The following TRA2B variants were observed in gnomAD, a reference collection of about 807,000 sequenced individuals.
The protein encoded by TRA2B is transformer-2 protein homolog beta.
TRA2B carries 14 observed loss-of-function variants against 41.7 expected under a neutral mutation model. That is an observed-to-expected ratio of 0.34 (90% CI 0.22 to 0.53). TRA2B has a LOEUF of 0.53. TRA2B is among the 20% of genes least tolerant of loss of function. The pLI is 0.95. For missense variants in TRA2B, 167 were observed against 396.8 expected, an observed-to-expected ratio of 0.42 and a Z score of 4.92; for synonymous variants, 130 against 128.8, an observed-to-expected ratio of 1.01 and a Z score of -0.06.
chr3:185,919,364 A>C, intron 7 of TRA2B, 73 bp downstream of exon 7: 3 of 1,326,866 alleles, frequency 2.3e-6, no homozygotes, highest in Non-Finnish European at 3.1e-6. Flanking sequence ...AATTTACCAA[A>C]ACATTACTAG....
chr3:185,926,533 G>T, intron 2 of TRA2B, 68 bp downstream of exon 2: 1 of 1,590,986 alleles, frequency 6.3e-7, no homozygotes, highest in Non-Finnish European at 8.6e-7. Context: ...CTACCTTCCT[G>T]GTTTACAAAA....
chr3:185,931,287 TG>T (rs1463750228), intron 1 of TRA2B, among the ~76,000 whole-genome samples: 2 of 152,204 alleles, frequency 1.3e-5, no homozygotes, highest in African/African-American at 2.4e-5. Context: ...TATTCGCTCA[TG>T]CCCCAGGACC....
chr3:185,925,658 T>C (rs763251470), intron 2 of TRA2B, 32 bp from the exon 3 acceptor site: 5 of 1,586,758 alleles, frequency 3.2e-6, no homozygotes, highest in African/African-American at 2.7e-5. Flanking sequence ...AGGTTATGAC[T>C]GAAAACAAAT....
intron 2 of TRA2B, among the ~76,000 whole-genome samples, chr3:185,926,051 A>C (rs1469053647): frequency 6.6e-6 from 1 of 152,190 alleles, no homozygotes; most frequent in Non-Finnish European, 1.5e-5. Context: ...GCTCTTGACT[A>C]ACTAGAGTGA....
chr3:185,932,480 A>G (rs1167670978), intron 1 of TRA2B, among the ~76,000 whole-genome samples: 4 of 152,198 alleles, frequency 2.6e-5, no homozygotes, highest in Admixed American at 1.3e-4. Flanking sequence ...TCATAAAAAG[A>G]CAAAATCAAG....
At position 185,925,460 on chromosome 3, in the gene TRA2B, T is replaced by A. The variant is rs768288798; in HGVS notation, c.333+4A>T. 1 of 1,611,314 alleles carries A rather than the reference T, an allele frequency of 6.2e-7. No homozygotes were observed. Among genetic ancestry groups the A allele is most frequent in the South Asian group, 1.1e-5 (1 of 90,316 alleles). The stretch of plus-strand genomic sequence containing the variant: ...ACTGCTTCAAAACCAGTTTTTCATC[T>A]TACCCGATTCCCAACATGACGCCTG... On this transcript the variant is annotated splice_donor_region_variant and intron_variant, in intron 3 of 8. Transcript: ENST00000453386.
intron 8 of TRA2B, 53 bp from the exon 9 acceptor site, chr3:185,917,778 TA>T (rs1157586043): frequency 3.2e-6 from 5 of 1,571,390 alleles, no homozygotes; most frequent in Non-Finnish European, 4.4e-6. Context: ...AATTATCAAG[TA>T]TACTTTAATG....
intron 8 of TRA2B, among the ~76,000 whole-genome samples, chr3:185,917,981 G>A (rs1304170486): frequency 6.6e-6 from 1 of 152,076 alleles, no homozygotes; most frequent in Non-Finnish European, 1.5e-5. Flanking sequence ...TTTCTGTGCT[G>A]TCCAAAAATT....
At chr3:185,936,933 A>G in intron 1 of TRA2B, 7 of 985,430 alleles carry the variant, frequency 7.1e-6, no homozygotes, top group Non-Finnish European at 8.4e-6. Context: ...AACTTAAGGG[A>G]AAGAAAACTG....
At chr3:185,936,262 GTTATA>G (rs1560016888) in intron 1 of TRA2B, 1 of 985,222 alleles carries the variant, frequency 1.0e-6, no homozygotes, top group Non-Finnish European at 1.2e-6. Context: ...ACCAATGACT[GTTATA>G]ACAGATTCAA....
chr3:185,937,797 A>G, intron 1 of TRA2B, 28 bp downstream of exon 1: 5 of 1,614,044 alleles, frequency 3.1e-6, no homozygotes, highest in Non-Finnish European at 4.2e-6. Context: ...AGGACCACAC[A>G]GCCACCCCCT....
Position 185,937,994 on chromosome 3 carries a change from C to T in TRA2B, c.-134G>A. ...AGCCGCTCAGAGCCGAAATGCTCCG[C>T]ACCGCCTCCGCACGGGCTCTAACTC... On this transcript the variant is annotated 5_prime_UTR_variant, in exon 1 of 9. Coordinates refer to ENST00000453386, the MANE Select transcript of TRA2B (RefSeq NM_004593.3). 2.9e-6 allele frequency: 3 copies of T among 1,019,198 alleles called. No individual in the cohort carries two copies. The highest frequency in any genetic ancestry group is 4.4e-6 in the Non-Finnish European group (3 of 680,852). The allele number at this position is 1,019,198 out of a possible 1,614,324, so 63.1% of individuals were successfully genotyped here. A position where few individuals can be genotyped will look rare whatever the true frequency, so the allele number is the denominator to read the frequency against.
chr3:185,925,458 T>C lies in TRA2B; in HGVS notation c.333+6A>G. On this transcript the variant is annotated splice_donor_region_variant and intron_variant, in intron 3 of 8. Transcript: ENST00000453386. The stretch of plus-strand genomic sequence containing the variant: ...TGACTGCTTCAAAACCAGTTTTTCA[T>C]CTTACCCGATTCCCAACATGACGCC... 1 of 1,611,316 alleles carries C rather than the reference T, an allele frequency of 6.2e-7. No individual in the cohort carries two copies.
chr3:185,918,303 T>TA (rs1743581134), intron 8 of TRA2B, 62 bp downstream of exon 8: 1 of 1,193,878 alleles, frequency 8.4e-7, no homozygotes, highest in African/African-American at 1.5e-5. Context: ...ATAAAGGGAA[T>TA]ACACTGTCAT....
intron 1 of TRA2B, chr3:185,935,861 T>C: frequency 2.0e-6 from 2 of 985,424 alleles, no homozygotes; most frequent in Non-Finnish European, 2.4e-6. Context: ...CGTAAAAGTT[T>C]AGAGATCTCG....
chr3:185,921,121 GTAGTCCCGATCATCA>G lies in TRA2B; in HGVS notation c.690_704del (p.Asp231_Tyr235del), dbSNP rs1743718204. 6.2e-7 allele frequency: 1 copy of G among 1,613,858 alleles called. No homozygotes were observed. The highest frequency in any genetic ancestry group is 1.1e-5 in the South Asian group (1 of 91,084). The stretch of plus-strand genomic sequence containing the variant: ...TAACTTACCTGTATGATCTGCTATA[GTAGTCCCGATCATCA>G]TAGCCCCGATCATATCCTCTGTCAT... On this transcript the variant is annotated inframe_deletion, in exon 6 of 9. Transcript: ENST00000453386.
intron 4 of TRA2B, chr3:185,922,544 T>C (rs1221093846): frequency 6.5e-6 from 1 of 153,250 alleles, no homozygotes; most frequent in African/African-American, 2.4e-5. Flanking sequence ...AATAATCTTT[T>C]ATTGGAATAG....
chr3:185,925,713 G>A (rs1030897243), intron 2 of TRA2B, 87 bp from the exon 3 acceptor site: 41 of 1,365,724 alleles, frequency 3.0e-5, no homozygotes, highest in Non-Finnish European at 3.8e-5. Context: ...CTCCAAAAGA[G>A]GGAACAATCC....
At chr3:185,917,832 G>T in intron 8 of TRA2B, 107 bp from the exon 9 acceptor site, 1 of 1,164,706 alleles carries the variant, frequency 8.6e-7, no homozygotes, top group Non-Finnish European at 1.3e-6. Flanking sequence ...ATTCCTATGT[G>T]CCAGAACCCC....
Sources: allele counts gnomAD v4.1 joint callset (sites outside exome capture counted in the v4.1 genomes callset), GRCh38; gene constraint gnomAD v4.1.1; transcripts MANE v1.5; gene names NCBI Gene and HGNC (gene_info 2026-07-23, HGNC 2026-07-21).